The following COL4A5 variants were observed in gnomAD, a reference collection of about 807,000 sequenced individuals.
COL4A5 encodes the protein collagen type IV alpha 5 chain.
Under a neutral mutation model 130.2 loss-of-function variants are expected in COL4A5, and 26 were observed. That is an observed-to-expected ratio of 0.20 (90% confidence interval 0.15 to 0.28). The LOEUF (loss-of-function observed/expected upper bound fraction) is 0.28. Among genes scored for constraint, COL4A5 ranks in the 10% least tolerant of loss-of-function variants. The probability of loss-of-function intolerance (pLI) is 1.00; values close to 1 mark genes in which losing one functional copy is unlikely to be tolerated. For synonymous variants in COL4A5, 496 were observed against 439.6 expected (o/e 1.13, Z -1.60); for missense variants, 1,131 against 1,344.3 (o/e 0.84, Z 2.48).
chrX:108,652,862 A>G (rs992333061), intron 36 of COL4A5, among the ~76,000 whole-genome samples: 2 of 112,320 alleles, frequency 1.8e-5, no homozygotes, highest in Middle Eastern at 4.2e-3. Flanking sequence ...GTGACTTATT[A>G]GGTATGAGAT....
chrX:108,506,363 TC>T, intron 1 of COL4A5, among the ~76,000 whole-genome samples: 1 of 109,279 alleles, frequency 9.2e-6, no homozygotes, highest in Admixed American at 9.9e-5. Context: ...TATCTATCTA[TC>T]TATCTATCTA....
intron 44 of COL4A5, among the ~76,000 whole-genome samples, chrX:108,678,756 A>G (rs1390288837): frequency 9.0e-6 from 1 of 110,941 alleles, no homozygotes; most frequent in Non-Finnish European, 1.9e-5. Context: ...AAAATTTAAC[A>G]TAGATATACA....
intron 48 of COL4A5, 114 bp from the exon 49 acceptor site, chrX:108,687,368 C>A: frequency 1.5e-6 from 1 of 656,524 alleles, no homozygotes; most frequent in Non-Finnish European, 2.5e-6. Context: ...TATAGACACT[C>A]TATAAATATC....
At chrX:108,603,187 C>A in intron 28 of COL4A5, 126 bp downstream of exon 28, 2 of 317,497 alleles carry the variant, frequency 6.3e-6, no homozygotes, top group Non-Finnish European at 1.1e-5. Context: ...ATACAGATAA[C>A]TTATTATATT....
intron 24 of COL4A5, 150 bp downstream of exon 24, chrX:108,597,718 C>G (rs2066545893): frequency 1.9e-6 from 1 of 536,519 alleles, no homozygotes; most frequent in South Asian, 2.8e-5. Flanking sequence ...CACATTGTTA[C>G]TGACTACGTA....
chrX:108,466,409 G>T (rs992678971), intron 1 of COL4A5, among the ~76,000 whole-genome samples: 3 of 111,257 alleles, frequency 2.7e-5, no homozygotes, highest in African/African-American at 9.8e-5. Flanking sequence ...ATCAACACTT[G>T]TTATTTTTGT....
At chrX:108,468,648 G>A (rs1440459911) in intron 1 of COL4A5, among the ~76,000 whole-genome samples, 2 of 108,566 alleles carry the variant, frequency 1.8e-5, no homozygotes, top group African/African-American at 6.7e-5. Context: ...TTCTATTAAT[G>A]TGGCATATTG....
In COL4A5 at chrX:108,696,195, GC is replaced by G. The variant is rs1165306304; in HGVS notation, c.4995-101del. 8 of 651,293 alleles carry G rather than the reference GC, an allele frequency of 1.2e-5. No individual in the cohort carries two copies. The African/African-American group carries it at 1.5e-4, about 12-fold the overall frequency. 53.7% of individuals were successfully genotyped at this position (651,293 alleles called of 1,213,427 possible). On this transcript the variant is annotated intron_variant, in intron 52 of 52. Transcript: ENST00000328300. Reference sequence around the variant, plus strand: ...AGTAAACCATTAAGTCACCAAGAGAGCTACTTAACACACAAAAAATGTTTAG... The same window carrying G: ...AGTAAACCATTAAGTCACCAAGAGAGTACTTAACACACAAAAAATGTTTAG...
rs2066567547 is a variant in COL4A5 at position 108,598,693 on chromosome X, C to A, written c.1780-9C>A. The A allele has an allele frequency of 8.3e-7, 1 of 1,207,216 alleles. No individual in the cohort carries two copies. ...TATATGTTTCTGTATTAAACTTTTCCCTTTTTAGGGTGGAATTACTTTTAA... is the reference window on the plus strand; with the variant it reads ...TATATGTTTCTGTATTAAACTTTTCACTTTTTAGGGTGGAATTACTTTTAA... On this transcript the variant is annotated splice_polypyrimidine_tract_variant and intron_variant, in intron 24 of 52. Coordinates refer to ENST00000328300, the MANE Select transcript of COL4A5 (RefSeq NM_033380.3).
rs760705408 is a variant in COL4A5, at chrX:108,458,220, A to G, written c.81+18014A>G. Among the ~76,000 whole-genome samples, 4 of 111,838 alleles carry G rather than the reference A, an allele frequency of 3.6e-5. No homozygotes were observed. In the South Asian group the frequency reaches 1.5e-3, roughly 42 times the overall value. ...TATAGTTTTTGCTTTTGATCCATTT[A>G]CTTATTTTTGTGTGGTGTTTGGTAA... On this transcript the variant is annotated intron_variant, in intron 1 of 52. Transcript: ENST00000328300.
chrX:108,541,903 A>G (rs1176155282), intron 2 of COL4A5, among the ~76,000 whole-genome samples: 2 of 111,866 alleles, frequency 1.8e-5, no homozygotes, highest in African/African-American at 6.5e-5. Context: ...ATTACCTACA[A>G]TATCCAGTAT....
intron 25 of COL4A5, among the ~76,000 whole-genome samples, chrX:108,599,188 C>A (rs55984484): frequency 0.096 from 10,614 of 111,121 alleles, 1,153 homozygotes; most frequent in African/African-American, 0.32. Context: ...TTACCAGCAT[C>A]CTAGAAACCC....
intron 39 of COL4A5, 71 bp from the exon 40 acceptor site, chrX:108,667,062 A>G (rs1286280571): frequency 2.0e-6 from 2 of 991,194 alleles, no homozygotes; most frequent in African/African-American, 3.8e-5. Context: ...TGATCTAAAA[A>G]TAATTTGGCC....
chrX:108,679,746 T>A (rs763665793), intron 44 of COL4A5, among the ~76,000 whole-genome samples: 5 of 94,899 alleles, frequency 5.3e-5, no homozygotes, highest in Non-Finnish European at 7.6e-5. Context: ...GGGATGATTG[T>A]TTGAGCCTAG....
At chrX:108,579,054 A>G (rs2066202074) in intron 13 of COL4A5, among the ~76,000 whole-genome samples, 1 of 97,442 alleles carries the variant, frequency 1.0e-5, no homozygotes, top group South Asian at 5.2e-4. Flanking sequence ...AAAGTGTACA[A>G]TTCAATTTTT....
intron 2 of COL4A5, among the ~76,000 whole-genome samples, chrX:108,549,425 G>A (rs2147695633): frequency 8.9e-6 from 1 of 111,936 alleles, no homozygotes; most frequent in South Asian, 3.7e-4. Context: ...AATGGAATGA[G>A]TAAGAAATAA....
In COL4A5 at chrX:108,681,789, C is replaced by A. The variant is rs147447379; in HGVS notation, c.4117C>A (p.Gln1373Lys). 36 of 1,205,777 alleles carry A rather than the reference C, an allele frequency of 3.0e-5. No individual in the cohort carries two copies. The African/African-American group carries it at 5.5e-4, about 18-fold the overall frequency. ...GPPGLPGPSG[Q>K]SIIIKGDAGP... ...TCCTGGATTACCTGGTCCTTCAGGA[C>A]AGAGTATCATAATTAAAGGAGATGC... Residue 1373 changes from glutamine to lysine, a missense_variant, in exon 47 of 53, where the codon CAG becomes AAG. Physicochemically the swap from Gln to Lys is moderately conservative, Grantham distance 53. Coordinates refer to ENST00000328300, the MANE Select transcript of COL4A5 (RefSeq NM_033380.3).
intron 2 of COL4A5, among the ~76,000 whole-genome samples, chrX:108,549,063 C>T (rs938183895): frequency 1.8e-4 from 20 of 111,338 alleles, no homozygotes; most frequent in East Asian, 5.6e-4. Flanking sequence ...GGTGTAAATG[C>T]GGGTAAATAT....
intron 49 of COL4A5, 59 bp downstream of exon 49, chrX:108,687,753 G>T: frequency 1.8e-6 from 2 of 1,100,683 alleles, no homozygotes; most frequent in East Asian, 3.0e-5. Context: ...CAGAAATCCT[G>T]TTGGGTTCTA....
Sources: gnomAD v4.1 joint callset for allele counts (sites outside exome capture counted in the v4.1 genomes callset) on GRCh38, gnomAD v4.1.1 for gene constraint, MANE v1.5 for transcripts, NCBI Gene and HGNC (gene_info 2026-07-23, HGNC 2026-07-21) for gene names.